Variants in ITK observed in about 807,000 individuals in gnomAD.
ITK encodes the protein tyrosine-protein kinase ITK/TSK.
A neutral mutation model predicts 87.6 loss-of-function variants in ITK; 45 were observed. The ratio of observed to expected loss-of-function variants is 0.51; its 90% confidence interval spans 0.40 to 0.66. ITK has a LOEUF of 0.66. Ranked by LOEUF, ITK falls within the 30% of genes least tolerant of loss-of-function variation. The pLI is 0.00. For missense variants in ITK, 605 were observed against 766.3 expected, an observed-to-expected ratio of 0.79 and a Z score of 2.48; for synonymous variants, 303 against 273.6, an observed-to-expected ratio of 1.11 and a Z score of -1.06.
intron 1 of ITK, among the ~76,000 whole-genome samples, chr5:157,183,529 T>C (rs1753583803): frequency 6.6e-6 from 1 of 152,208 alleles, no homozygotes; most frequent in Non-Finnish European, 1.5e-5. Flanking sequence ...GGTAAGCATC[T>C]AGTAAAAATT....
chr5:157,231,954 C>T (rs868090778), intron 7 of ITK, among the ~76,000 whole-genome samples: 2 of 152,218 alleles, frequency 1.3e-5, no homozygotes, highest in Non-Finnish European at 2.9e-5. Context: ...ACTTATGAAA[C>T]GAAGAGGAAA....
At chr5:157,210,170 C>T (rs1247235768) in intron 2 of ITK, among the ~76,000 whole-genome samples, 2 of 152,048 alleles carry the variant, frequency 1.3e-5, no homozygotes, top group Non-Finnish European at 2.9e-5. Flanking sequence ...GTGATCGACC[C>T]GCCTCGGCCT....
intron 1 of ITK, among the ~76,000 whole-genome samples, chr5:157,199,035 G>A (rs575124474): frequency 6.6e-6 from 1 of 152,266 alleles, no homozygotes; most frequent in African/African-American, 2.4e-5. Flanking sequence ...AAAGTGTTGG[G>A]ATTATAGGCA....
chr5:157,238,310 G>A (rs916462268), intron 9 of ITK, 119 bp downstream of exon 9: 4 of 791,152 alleles, frequency 5.1e-6, no homozygotes, highest in African/African-American at 1.7e-5. Context: ...GAAATGGTCT[G>A]TTTTCCCTCT....
Position 157,243,675 on chromosome 5 carries a change from T to G in ITK, c.1113T>G (p.Ser371Arg). Reference protein sequence around the residue: ...SELTFVQEIGSGQFGLVHLGY... With the variant: ...SELTFVQEIGRGQFGLVHLGY... Reference sequence around the variant, plus strand: ...TCACTTTTGTGCAAGAGATTGGCAGTGGGCAATTTGGGTTGGTGCATCTGG... The same window carrying G: ...TCACTTTTGTGCAAGAGATTGGCAGGGGGCAATTTGGGTTGGTGCATCTGG... The change falls in exon 12 of 17, where the codon AGT (serine) becomes AGG (arginine). Residue 371 changes from serine (S) to arginine (R), a missense_variant. Physicochemically the swap from Ser to Arg is moderately radical, Grantham distance 110. Transcript: ENST00000422843. 1 of 1,613,496 alleles carries G rather than the reference T, an allele frequency of 6.2e-7. No homozygotes were observed. Among genetic ancestry groups the G allele is most frequent in the South Asian group, 1.1e-5 (1 of 91,038 alleles).
At chr5:157,235,328 G>T (rs1754755695) in intron 8 of ITK, among the ~76,000 whole-genome samples, 1 of 152,180 alleles carries the variant, frequency 6.6e-6, no homozygotes, top group Non-Finnish European at 1.5e-5. Flanking sequence ...CTCCTAATGT[G>T]CCATATCAGT....
chr5:157,197,971 A>C (rs1322175642), intron 1 of ITK, among the ~76,000 whole-genome samples: 1 of 152,174 alleles, frequency 6.6e-6, no homozygotes, highest in Admixed American at 6.5e-5. Flanking sequence ...TTAATATTAT[A>C]AAAGAAATAC....
chr5:157,208,705 G>A (rs1249108956), intron 1 of ITK, among the ~76,000 whole-genome samples, 184 bp from the exon 2 acceptor site: 4 of 152,202 alleles, frequency 2.6e-5, no homozygotes, highest in African/African-American at 7.2e-5. Flanking sequence ...TGTGTCCCCA[G>A]GAGTCTGCTC....
chr5:157,235,824 T>C (rs1156939356), intron 8 of ITK, among the ~76,000 whole-genome samples: 1 of 152,196 alleles, frequency 6.6e-6, no homozygotes. Context: ...CTTCAAATTA[T>C]ATGAACAGAA....
rs578235076 is a variant in ITK, at chr5:157,225,618, C to A, written c.647+2604C>A. 2.3e-4 allele frequency among the ~76,000 whole-genome samples: 35 copies of A among 152,258 alleles called. No homozygotes were observed. In the East Asian group the frequency reaches 6.4e-3, roughly 28 times the overall value. On this transcript the variant is annotated intron_variant, in intron 6 of 16. Transcript: ENST00000422843. Reference sequence around the variant, plus strand: ...AAGACAGAAGTGAGACAGGGTAAAACGTGATGAGATTCAGAACCATGGTTT... The same window carrying A: ...AAGACAGAAGTGAGACAGGGTAAAAAGTGATGAGATTCAGAACCATGGTTT...
chr5:157,191,729 C>G (rs1324545425), intron 1 of ITK, among the ~76,000 whole-genome samples: 2 of 152,064 alleles, frequency 1.3e-5, no homozygotes, highest in Non-Finnish European at 2.9e-5. Context: ...ATTGCAAGAA[C>G]ATGCTTATCT....
At chr5:157,224,313 T>C (rs1033886337) in intron 6 of ITK, 1 of 151,450 alleles carries the variant, frequency 6.6e-6, no homozygotes, top group Non-Finnish European at 1.5e-5. Context: ...TCACTATTAA[T>C]ACCTTCTTGT....
chr5:157,203,203 G>A (rs1043002130), intron 1 of ITK, among the ~76,000 whole-genome samples: 6 of 152,086 alleles, frequency 3.9e-5, no homozygotes, highest in Admixed American at 6.5e-5. Flanking sequence ...AGTATACTAC[G>A]GGCTCTGTGA....
At chr5:157,201,359 A>C (rs1010611775) in intron 1 of ITK, among the ~76,000 whole-genome samples, 13 of 141,722 alleles carry the variant, frequency 9.2e-5, no homozygotes, top group Non-Finnish European at 1.6e-4. Flanking sequence ...GTACAGTGGC[A>C]TGATCTTGGC....
At position 157,222,983 on chromosome 5, in the gene ITK, A is replaced by G. The variant is rs371700137; in HGVS notation, c.616A>G (p.Ile206Val). 1 of 1,613,968 alleles carries G rather than the reference A, an allele frequency of 6.2e-7. No individual in the cohort carries two copies. Among genetic ancestry groups the G allele is most frequent in the African/African-American group, 1.3e-5 (1 of 74,890 alleles). The change falls in exon 6 of 17, where the codon ATT (isoleucine) becomes GTT (valine). Residue 206 changes from isoleucine to valine, a missense_variant. Coordinates refer to ENST00000422843, the MANE Select transcript of ITK (RefSeq NM_005546.4). ...EEYCLLDSSE[I>V]HWWRVQDRNG... The stretch of plus-strand genomic sequence containing the variant: ...GTACTGCCTGCTGGACAGTTCTGAG[A>G]TTCACTGGTGGAGAGTCCAGGACAG...
chr5:157,204,337 G>T (rs775036319), intron 1 of ITK, among the ~76,000 whole-genome samples: 1 of 152,236 alleles, frequency 6.6e-6, no homozygotes, highest in Non-Finnish European at 1.5e-5. Flanking sequence ...GAGGCGGGCA[G>T]ATTGCCTGAG....
chr5:157,208,704 A>G (rs1466936776), intron 1 of ITK, among the ~76,000 whole-genome samples, 185 bp from the exon 2 acceptor site: 1 of 152,206 alleles, frequency 6.6e-6, no homozygotes, highest in Non-Finnish European at 1.5e-5. Context: ...ATGTGTCCCC[A>G]GGAGTCTGCT....
intron 1 of ITK, among the ~76,000 whole-genome samples, chr5:157,192,666 C>G (rs1305004766): frequency 1.3e-5 from 2 of 152,194 alleles, no homozygotes; most frequent in Admixed American, 6.5e-5. Context: ...TCACCATCCC[C>G]ACATATAAAA....
At chr5:157,237,846 G>C (rs909259271) in intron 8 of ITK, among the ~76,000 whole-genome samples, 1 of 152,232 alleles carries the variant, frequency 6.6e-6, no homozygotes, top group African/African-American at 2.4e-5. Context: ...GATACATGGG[G>C]AGCTCTAAAA....
Sources: allele counts gnomAD v4.1 joint callset (sites outside exome capture counted in the v4.1 genomes callset), GRCh38; gene constraint gnomAD v4.1.1; transcripts MANE v1.5; gene names NCBI Gene and HGNC (gene_info 2026-07-23, HGNC 2026-07-21).